Variants in COL5A1 observed in about 807,000 individuals in gnomAD.
COL5A1 encodes the protein collagen alpha-1(V) chain.
In COL5A1, 16 loss-of-function variants were observed where a neutral mutation model predicts 263.7. The ratio of observed to expected loss-of-function variants is 0.06; its 90% CI spans 0.04 to 0.09. COL5A1 has a LOEUF of 0.09. Among genes scored for constraint, COL5A1 ranks in the 10% least tolerant of loss-of-function variants. The pLI, the probability that COL5A1 is intolerant of heterozygous loss-of-function variation, is 1.00. For synonymous variants in COL5A1, 1,012 were observed against 1,004.5 expected (o/e 1.01, Z -0.14); for missense variants, 2,036 against 2,540.5 (o/e 0.80, Z 4.27).
chr9:134,839,153 G>T (rs117382134), intron 65 of COL5A1, among the ~76,000 whole-genome samples: 13 of 152,346 alleles, frequency 8.5e-5, no homozygotes, highest in Non-Finnish European at 1.5e-4. Context: ...GTTTGGCTGG[G>T]GCGCCTGATT....
At chr9:134,752,547 C>T (rs988520151) in intron 13 of COL5A1, 42 bp from the exon 14 acceptor site, 4 of 1,538,048 alleles carry the variant, frequency 2.6e-6, no homozygotes, top group Non-Finnish European at 2.7e-6. Context: ...CGGAGCACTG[C>T]TGCTGGGGCC....
chr9:134,730,748 C>T (rs934679783), intron 7 of COL5A1, among the ~76,000 whole-genome samples: 18 of 152,296 alleles, frequency 1.2e-4, no homozygotes, highest in African/African-American at 4.3e-4. Flanking sequence ...GTAGAATGAC[C>T]CTAGCCCTTC....
Position 134,842,622 on chromosome 9 carries a change from C to T in COL5A1, c.*319C>T, listed in dbSNP as rs796471512. ...CAGCCCCCCAGCTCGCCCGACCCAT[C>T]CTGTTCGTGAATAGGTCTCAGGGGT... On this transcript the variant is annotated 3_prime_UTR_variant, in exon 66 of 66. Coordinates refer to ENST00000371817, the MANE Select transcript of COL5A1 (RefSeq NM_000093.5). The surrounding 1 kb of genome is among the most constrained non-coding windows in gnomAD (Gnocchi z 5.8). 72 of 502,216 alleles carry T rather than the reference C, an allele frequency of 1.4e-4. 1 individual carries two copies. In the South Asian group the frequency reaches 1.6e-3, roughly 11 times the overall value. The allele number at this position is 502,216 out of a possible 1,614,324, so 31.1% of individuals were successfully genotyped here.
chr9:134,671,632 G>A lies in COL5A1; in HGVS notation c.110-19280G>A, dbSNP rs191399565. ...CCGCAGCTCTAAAGTGGCTCCCCTC[G>A]GATGGGTGTGAGGAACCACACATCT... On this transcript the variant is annotated intron_variant, in intron 1 of 65. Transcript: ENST00000371817. 3.2e-4 allele frequency among the ~76,000 whole-genome samples: 48 copies of A among 152,314 alleles called. 1 individual carries two copies. Among genetic ancestry groups the A allele is most frequent in the Non-Finnish European group, 5.7e-4 (39 of 68,026 alleles).
At chr9:134,810,443 T>G (rs1194443731) in intron 44 of COL5A1, 135 bp downstream of exon 44, 4 of 806,696 alleles carry the variant, frequency 5.0e-6, no homozygotes, top group Admixed American at 2.3e-5. Flanking sequence ...AAATCTCCCG[T>G]GCATGTGTGT....
intron 11 of COL5A1, among the ~76,000 whole-genome samples, chr9:134,746,091 A>C (rs573110211): frequency 5.3e-5 from 8 of 152,114 alleles, no homozygotes; most frequent in Non-Finnish European, 8.8e-5. Flanking sequence ...CAGGACCTGG[A>C]TGTACCTTTG....
chr9:134,816,394 G>A (rs957757054), intron 52 of COL5A1, among the ~76,000 whole-genome samples: 6 of 152,246 alleles, frequency 3.9e-5, no homozygotes, highest in Admixed American at 1.3e-4. Flanking sequence ...GCTTGGCGTT[G>A]AGTGTTTTAA....
At chr9:134,830,281 C>A in intron 64 of COL5A1, 1 of 1,161,528 alleles carries the variant, frequency 8.6e-7, no homozygotes, top group South Asian at 1.4e-5. Context: ...CCACACCGCT[C>A]TTGCCAAACC....
intron 4 of COL5A1, among the ~76,000 whole-genome samples, chr9:134,723,444 T>G (rs1834539384): frequency 6.6e-6 from 1 of 152,148 alleles, no homozygotes; most frequent in East Asian, 1.9e-4. Context: ...TTCTGAGATG[T>G]GGAGACAGGG....
At position 134,835,102 on chromosome 9, in the gene COL5A1, C is replaced by T; in HGVS notation, c.5268C>T (p.Ala1756=). ...AGTCAGTGGCCTGGCAGGACGCAGC[C>T]ACGGGCAGCTACGACAAGGCCCTCC... The part of the protein sequence containing the change: ...CYQSVAWQDA[A]TGSYDKALRF... Residue 1756 remains alanine, a synonymous_variant, in exon 65 of 66, where the codon GCC becomes GCT. Transcript: ENST00000371817. 1.2e-6 allele frequency: 2 copies of T among 1,613,782 alleles called. No individual in the cohort carries two copies. The highest frequency in any genetic ancestry group is 1.1e-5 in the South Asian group (1 of 91,090).
intron 57 of COL5A1, among the ~76,000 whole-genome samples, chr9:134,819,711 C>T (rs1326665533): frequency 1.3e-5 from 2 of 152,212 alleles, no homozygotes; most frequent in Non-Finnish European, 2.9e-5. Context: ...ATTGTAATAT[C>T]TATAATACTC....
chr9:134,760,921 G>GCA (rs1836396751), intron 18 of COL5A1, among the ~76,000 whole-genome samples: 1 of 116,020 alleles, frequency 8.6e-6, no homozygotes, highest in Admixed American at 8.9e-5. Flanking sequence ...ACACACACAC[G>GCA]TACACACATG....
chr9:134,701,488 T>C (rs1490464329), intron 4 of COL5A1, among the ~76,000 whole-genome samples, 155 bp downstream of exon 4: 3 of 152,202 alleles, frequency 2.0e-5, no homozygotes, highest in Non-Finnish European at 1.5e-5. Context: ...GCTGCCATCC[T>C]AAGAGATGTT....
intron 64 of COL5A1, among the ~76,000 whole-genome samples, chr9:134,831,537 A>G (rs1839627285): frequency 6.6e-6 from 1 of 152,086 alleles, no homozygotes; most frequent in Admixed American, 6.6e-5. Flanking sequence ...GGAGGGACAG[A>G]GCGTAGGGGA....
chr9:134,648,434 C>A (rs530020134), intron 1 of COL5A1, among the ~76,000 whole-genome samples: 1 of 152,090 alleles, frequency 6.6e-6, no homozygotes, highest in East Asian at 1.9e-4. Context: ...GCATAGGGAC[C>A]AGGGTGGCCT....
intron 2 of COL5A1, among the ~76,000 whole-genome samples, chr9:134,698,586 C>T (rs185579703): frequency 2.8e-3 from 434 of 152,332 alleles, no homozygotes; most frequent in African/African-American, 0.01. Flanking sequence ...TGCTGTGGGA[C>T]GAGGGGGCCT....
chr9:134,776,576 C>T (rs903182412), intron 27 of COL5A1, among the ~76,000 whole-genome samples: 4 of 152,152 alleles, frequency 2.6e-5, no homozygotes, highest in Non-Finnish European at 4.4e-5. Flanking sequence ...GAGTTTGGCC[C>T]GGGTGGCAGT....
chr9:134,727,522 C>A (rs1834705953), intron 5 of COL5A1, 125 bp downstream of exon 5: 1 of 1,063,250 alleles, frequency 9.4e-7, no homozygotes, highest in Non-Finnish European at 1.4e-6. Context: ...TTTGGAGGGA[C>A]CTAGGAGGTA....
rs370666409 is a variant in COL5A1, at chr9:134,822,718, G to GCC, written c.4609-279_4609-278insCC. On this transcript the variant is annotated intron_variant, in intron 59 of 65. Coordinates refer to ENST00000371817, the MANE Select transcript of COL5A1 (RefSeq NM_000093.5). ...GAGCCAGGACATGCTCTTTTCCGCT[G>GCC]CGCCCCCCCCGCGGCTGTCTGAGCT... 0.05 allele frequency among the ~76,000 whole-genome samples: 7,182 copies of GCC among 142,918 alleles called. 543 individuals are homozygous for GCC. Among genetic ancestry groups the GCC allele is most frequent in the African/African-American group, 0.13 (4,529 of 34,570 alleles). The allele number at this position is 142,918 out of a possible 152,430, so 93.8% of individuals were successfully genotyped here. A position where few individuals can be genotyped will look rare whatever the true frequency, so the allele number is the denominator to read the frequency against.
Sources: gnomAD v4.1 joint callset for allele counts (sites outside exome capture counted in the v4.1 genomes callset) on GRCh38, gnomAD v4.1.1 for gene constraint, Gnocchi (gnomAD v3.1) non-coding constraint, MANE v1.5 for transcripts, NCBI Gene and HGNC (gene_info 2026-07-23, HGNC 2026-07-21) for gene names.